The following TSC1 variants were observed in gnomAD, a reference collection of about 807,000 sequenced individuals.
TSC1 encodes the protein hamartin.
A neutral mutation model predicts 124.3 loss-of-function variants in TSC1; 20 were observed. That is an observed-to-expected ratio of 0.16 (90% CI 0.11 to 0.23). The LOEUF (loss-of-function observed/expected upper bound fraction) is 0.23. Among genes scored for constraint, TSC1 ranks in the 10% least tolerant of loss-of-function variants. TSC1 has a pLI of 1.00. For synonymous variants in TSC1, 493 were observed against 539.1 expected (o/e 0.91, Z 1.19); for missense variants, 1,124 against 1,448.5 (o/e 0.78, Z 3.64).
chr9:132,930,241 T>C (rs994097831), intron 2 of TSC1, among the ~76,000 whole-genome samples: 2 of 152,106 alleles, frequency 1.3e-5, no homozygotes, highest in African/African-American at 4.8e-5. Context: ...AAATTATTTT[T>C]GAGAAACACT....
At chr9:132,944,416 C>T (rs1313503481) in intron 1 of TSC1, 127 bp downstream of exon 1, 2 of 395,202 alleles carry the variant, frequency 5.1e-6, no homozygotes, top group Non-Finnish European at 8.9e-6. Context: ...CCCCCTTCCC[C>T]GGGATCCCTA....
chr9:132,937,477 C>A (rs1029891904), intron 1 of TSC1, among the ~76,000 whole-genome samples: 4 of 152,188 alleles, frequency 2.6e-5, no homozygotes, highest in Non-Finnish European at 5.9e-5. Flanking sequence ...AGTGCAAGAG[C>A]CTCTAATCTT....
chr9:132,922,557 AAGAAATTGAAC>A (rs1846627025), intron 6 of TSC1, among the ~76,000 whole-genome samples: 1 of 152,256 alleles, frequency 6.6e-6, no homozygotes. Flanking sequence ...CTAAGAGTGA[AAGAAATTGAAC>A]ATCTTAATTT....
upstream of TSC1, chr9:132,945,112 C>G (rs1300688359): frequency 1.3e-5 from 2 of 152,378 alleles, no homozygotes; most frequent in African/African-American, 4.8e-5. Flanking sequence ...GAGCAGCGAT[C>G]CTGTTTCCCA....
chr9:132,926,943 A>G, intron 4 of TSC1: 1 of 437,438 alleles, frequency 2.3e-6, no homozygotes, highest in Non-Finnish European at 4.3e-6. Flanking sequence ...TCCTAAGGGG[A>G]TTACAGGCGT....
chr9:132,937,940 TC>T (rs1310881328), intron 1 of TSC1, among the ~76,000 whole-genome samples: 1 of 152,204 alleles, frequency 6.6e-6, no homozygotes, highest in Non-Finnish European at 1.5e-5. Context: ...GGTCTAGAAC[TC>T]CTGGACTCAA....
intron 8 of TSC1, among the ~76,000 whole-genome samples, chr9:132,914,971 T>C (rs1269697895): frequency 6.6e-6 from 1 of 152,020 alleles, no homozygotes; most frequent in Non-Finnish European, 1.5e-5. Flanking sequence ...GGCCAGGGGT[T>C]CAAGACCAGC....
At chr9:132,911,191 T>C (rs1459774525) in intron 10 of TSC1, 78 bp from the exon 11 acceptor site, 1 of 1,215,354 alleles carries the variant, frequency 8.2e-7, no homozygotes, top group African/African-American at 1.5e-5. Flanking sequence ...ATGGCCAGTG[T>C]TCAGCTTAAA....
At position 132,944,568 on chromosome 9, in the gene TSC1, T is replaced by TTACC; in HGVS notation, c.-173_-170dup. ...CCACCGTCTCCTCCCCCTCAGCTGT[T>TTACC]TACCTCACAGTCCCTCCAGCCTACA... On this transcript the variant is annotated 5_prime_UTR_variant, in exon 1 of 23. Transcript: ENST00000298552. 1 of 398,666 alleles carries TTACC rather than the reference T, an allele frequency of 2.5e-6. No homozygotes were observed. Among genetic ancestry groups the TTACC allele is most frequent in the East Asian group, 3.6e-5 (1 of 28,032 alleles). The allele number at this position is 398,666 out of a possible 1,614,324, so 24.7% of individuals were successfully genotyped here.
At chr9:132,925,275 A>G (rs1306270655) in intron 5 of TSC1, among the ~76,000 whole-genome samples, 2 of 152,350 alleles carry the variant, frequency 1.3e-5, no homozygotes, top group South Asian at 4.1e-4. Context: ...CCCAAAAGAT[A>G]ATCCAGGATG....
chr9:132,907,253 C>T lies in TSC1; in HGVS notation c.1333+48G>A, dbSNP rs752761223. The T allele has an allele frequency of 7.3e-6, 11 of 1,499,488 alleles. No individual in the cohort carries two copies. In the South Asian group the frequency reaches 1.2e-4, roughly 17 times the overall value. 92.9% of individuals were successfully genotyped at this position (1,499,488 alleles called of 1,614,324 possible). ...ACTTTCTTTTCTTAAACACATATAACCCAATTAGAAGAGGCAAGCAAGGCC... is the reference window on the plus strand; with the variant it reads ...ACTTTCTTTTCTTAAACACATATAATCCAATTAGAAGAGGCAAGCAAGGCC... On this transcript the variant is annotated intron_variant, in intron 13 of 22. Coordinates refer to ENST00000298552, the MANE Select transcript of TSC1 (RefSeq NM_000368.5).
chr9:132,911,621 T>G, intron 9 of TSC1, 53 bp from the exon 10 acceptor site: 1 of 493,400 alleles, frequency 2.0e-6, no homozygotes, highest in Non-Finnish European at 3.4e-6. Context: ...TAGGTTATTC[T>G]GGTTAAAAAA....
intron 20 of TSC1, chr9:132,900,287 T>G: frequency 4.2e-6 from 1 of 238,848 alleles, no homozygotes; most frequent in South Asian, 5.5e-5. Context: ...GCTGGCCTTG[T>G]TGCCAGGACT....
At chr9:132,920,617 C>T (rs1052886937) in intron 8 of TSC1, among the ~76,000 whole-genome samples, 3 of 152,042 alleles carry the variant, frequency 2.0e-5, no homozygotes, top group Non-Finnish European at 4.4e-5. Context: ...GGGGATCAGG[C>T]AGTGAGCTAG....
rs1845105234 is a variant in TSC1, at chr9:132,896,970, C to A, written c.2975+214G>T. On this transcript the variant is annotated intron_variant, in intron 22 of 22. Transcript: ENST00000298552. This position sits in a 1 kb window ranked among gnomAD's most constrained non-coding sequence, Gnocchi z 4.5. ...TCTTAAGTGTGAACACTTCCTGTGG[C>A]CATATGGAGGGACTCAAGGCCAGGA... is the stretch of plus-strand genomic sequence containing the variant. Among the ~76,000 whole-genome samples, 1 of 152,150 alleles carries A rather than the reference C, an allele frequency of 6.6e-6. No individual in the cohort carries two copies. Among genetic ancestry groups the A allele is most frequent in the Non-Finnish European group, 1.5e-5 (1 of 68,028 alleles).
chr9:132,897,340 T>G lies in TSC1; in HGVS notation c.2819A>C (p.Gln940Pro), dbSNP rs1845131755. 6.2e-7 allele frequency: 1 copy of G among 1,614,214 alleles called. No homozygotes were observed. The highest frequency in any genetic ancestry group is 1.7e-5 in the Admixed American group (1 of 60,028). Reference sequence around the variant, plus strand: ...ATACCTGCTCTCTGCGGCCTGCAGCTGTCCTCTGAAAGATACAGACCAGCC... The same window carrying G: ...ATACCTGCTCTCTGCGGCCTGCAGCGGTCCTCTGAAAGATACAGACCAGCC... ...LEDVKLQARGQLQAAESRYEA... is the reference protein window; with the variant it reads ...LEDVKLQARGPLQAAESRYEA... Residue 940 changes from glutamine (Q) to proline (P), a missense_variant, in exon 22 of 23, where the codon CAG becomes CCG. Around this residue, in one of 5 missense-constraint regions of TSC1, gnomAD observed 325 missense variants for 383.4 expected, o/e 0.85. Transcript: ENST00000298552.
At chr9:132,925,948 G>T (rs1846836770) in intron 4 of TSC1, 1 of 626,798 alleles carries the variant, frequency 1.6e-6, no homozygotes, top group Non-Finnish European at 2.7e-6. Context: ...CAGCCAGTTT[G>T]CAGCTCATGA....
At chr9:132,930,336 C>G (rs1368993337) in intron 2 of TSC1, among the ~76,000 whole-genome samples, 2 of 152,106 alleles carry the variant, frequency 1.3e-5, no homozygotes, top group African/African-American at 2.4e-5. Context: ...CGCTTGTAAT[C>G]CCAGCATAAT....
Position 132,907,383 on chromosome 9 carries a change from G to C in TSC1, c.1264-13C>G, listed in dbSNP as rs1845730285. 1 of 1,606,970 alleles carries C rather than the reference G, an allele frequency of 6.2e-7. No homozygotes were observed. Among genetic ancestry groups the C allele is most frequent in the Non-Finnish European group, 8.5e-7 (1 of 1,173,444 alleles). Reference sequence around the variant, plus strand: ...CCATTCTCTCTTCCTGAAAAGATAAGTATCATTTATATCACAAGACGAAAA... The same window carrying C: ...CCATTCTCTCTTCCTGAAAAGATAACTATCATTTATATCACAAGACGAAAA... On this transcript the variant is annotated splice_polypyrimidine_tract_variant and intron_variant, in intron 12 of 22. Coordinates refer to ENST00000298552, the MANE Select transcript of TSC1 (RefSeq NM_000368.5).
Sources: gnomAD v4.1 joint callset for allele counts (sites outside exome capture counted in the v4.1 genomes callset) on GRCh38, gnomAD v4.1.1 for gene constraint, gnomAD v4.1.1 regional missense constraint, Gnocchi (gnomAD v3.1) non-coding constraint, MANE v1.5 for transcripts, NCBI Gene and HGNC (gene_info 2026-07-23, HGNC 2026-07-21) for gene names.